The following CDC42BPB variants were observed in gnomAD, a reference collection of about 807,000 sequenced individuals.
CDC42BPB encodes CDC42 binding protein kinase beta.
In CDC42BPB, 37 loss-of-function variants were observed where a neutral mutation model predicts 214.9. That is an observed-to-expected ratio of 0.17 (90% confidence interval 0.13 to 0.23). The LOEUF (loss-of-function observed/expected upper bound fraction) is 0.23. CDC42BPB is among the 10% of genes least tolerant of loss of function. CDC42BPB has a pLI of 1.00. For missense variants in CDC42BPB, 1,694 were observed against 2,227.0 expected (o/e 0.76, Z 4.82); for synonymous variants, 931 against 884.0 (o/e 1.05, Z -0.94).
chr14:103,012,390 G>GT (rs1364961530), intron 1 of CDC42BPB: 16 of 561,414 alleles, frequency 2.8e-5, no homozygotes, highest in Non-Finnish European at 3.6e-5. Context: ...CACGCACTGG[G>GT]TAACACTGTT....
intron 19 of CDC42BPB, among the ~76,000 whole-genome samples, 176 bp downstream of exon 19, chr14:102,964,326 C>T (rs1036005174): frequency 6.6e-6 from 1 of 152,258 alleles, no homozygotes. Context: ...AGTGCCAGAA[C>T]GGCCTGCTAT....
chr14:103,043,406 A>G (rs1888118638), intron 1 of CDC42BPB, among the ~76,000 whole-genome samples: 1 of 152,202 alleles, frequency 6.6e-6, no homozygotes, highest in African/African-American at 2.4e-5. Flanking sequence ...AACCTTGACA[A>G]CATGATGTCA....
At chr14:103,002,793 C>T (rs1284320819) in intron 4 of CDC42BPB, among the ~76,000 whole-genome samples, 3 of 152,172 alleles carry the variant, frequency 2.0e-5, no homozygotes, top group Non-Finnish European at 4.4e-5. Context: ...GTTGGGAAGA[C>T]GGACGGGGAC....
In CDC42BPB at chr14:102,939,893, C is replaced by T. The variant is rs1251445406; in HGVS notation, c.4646G>A (p.Arg1549His). The T allele has an allele frequency of 7.4e-6, 12 of 1,613,944 alleles. No individual in the cohort carries two copies. In the Admixed American group the frequency reaches 1.3e-4, roughly 18 times the overall value. Reference sequence around the variant, plus strand: ...GACGAACCGCCTTTTGCTCCTGGTGCGCAGCATCTGCTTCTTGCTGTTGTC... The same window carrying T: ...GACGAACCGCCTTTTGCTCCTGGTGTGCAGCATCTGCTTCTTGCTGTTGTC... Reference protein sequence around the residue: ...TSDNSKKQMLRTRSKRRFVFK... With the variant: ...TSDNSKKQMLHTRSKRRFVFK... The change falls in exon 33 of 37, where the codon CGC becomes CAC. Residue 1549 changes from arginine (R) to histidine (H), a missense_variant. Physicochemically the swap from Arg to His is conservative, Grantham distance 29. Around this residue, in one of 7 missense-constraint regions of CDC42BPB, gnomAD observed 567 missense variants for 790.3 expected, o/e 0.72. Transcript: ENST00000361246.
In CDC42BPB at chr14:103,047,796, C is replaced by T. The variant is rs557938114; in HGVS notation, c.175+9203G>A. Among the ~76,000 whole-genome samples, 85 of 151,016 alleles carry T rather than the reference C, an allele frequency of 5.6e-4. No individual in the cohort carries two copies. In the South Asian group the frequency reaches 0.017, roughly 31 times the overall value. ...GTGTGCACCTGCAGTCCCAGCTACT[C>T]GGGAGGCTGAGGCAGGAGAACTGCT... On this transcript the variant is annotated intron_variant, in intron 1 of 36. Transcript: ENST00000361246.
chr14:102,950,212 C>T (rs1013437739), intron 25 of CDC42BPB: 12 of 664,948 alleles, frequency 1.8e-5, no homozygotes, highest in African/African-American at 1.4e-4. Flanking sequence ...TGAGCTTCTG[C>T]CCACTGGCTG....
intron 23 of CDC42BPB, among the ~76,000 whole-genome samples, chr14:102,953,644 G>A (rs188158052): frequency 9.8e-4 from 149 of 152,334 alleles, no homozygotes; most frequent in African/African-American, 3.5e-3. Flanking sequence ...CTGCGTTGAT[G>A]TTTATATGAA....
intron 1 of CDC42BPB, among the ~76,000 whole-genome samples, chr14:103,029,717 T>C (rs1296722625): frequency 6.9e-6 from 1 of 145,594 alleles, no homozygotes; most frequent in Non-Finnish European, 1.5e-5. Context: ...AAATTAGCTG[T>C]GTGTGGTGGT....
rs374402137 is a variant in CDC42BPB at position 102,968,299 on chromosome 14, G to A, written c.2300C>T (p.Ala767Val). The stretch of plus-strand genomic sequence containing the variant: ...CTTCTTGTTTTCATCAAACAGCATC[G>A]CTCTTTCTCGTTCGTATTTATCTTT... ...TIKDKYERER[A>V]MLFDENKKLT... is the part of the protein sequence containing the mutation. Residue 767 changes from alanine (A) to valine (V), a missense_variant, in exon 16 of 37, where the codon GCG becomes GTG. By Grantham distance (64) the Ala-to-Val change is moderately conservative. Around this residue, in one of 7 missense-constraint regions of CDC42BPB, gnomAD observed 462 missense variants for 513.5 expected, o/e 0.90. Coordinates refer to ENST00000361246, the MANE Select transcript of CDC42BPB (RefSeq NM_006035.4). 141 of 1,613,574 alleles carry A rather than the reference G, an allele frequency of 8.7e-5. No homozygotes were observed. Among genetic ancestry groups the A allele is most frequent in the South Asian group, 1.2e-4 (11 of 91,046 alleles).
chr14:102,937,136 G>A (rs1359961686), intron 36 of CDC42BPB: 1 of 152,210 alleles, frequency 6.6e-6, no homozygotes, highest in Non-Finnish European at 1.5e-5. Flanking sequence ...TACCCTAAGA[G>A]GGACACCATG....
intron 26 of CDC42BPB, among the ~76,000 whole-genome samples, 163 bp downstream of exon 26, chr14:102,949,602 G>A (rs889611647): frequency 6.6e-5 from 10 of 152,266 alleles, no homozygotes; most frequent in Middle Eastern, 6.8e-3. Flanking sequence ...GCATGTGAGC[G>A]CCTGAAGTCA....
chr14:102,969,066 G>A (rs1038061629), intron 14 of CDC42BPB, among the ~76,000 whole-genome samples: 3 of 152,252 alleles, frequency 2.0e-5, no homozygotes, highest in African/African-American at 4.8e-5. Context: ...TGGGGCTGGC[G>A]GGAACTGACA....
At chr14:103,048,686 C>A (rs1465140812) in intron 1 of CDC42BPB, among the ~76,000 whole-genome samples, 1 of 147,594 alleles carries the variant, frequency 6.8e-6, no homozygotes, top group African/African-American at 2.5e-5. Flanking sequence ...CCAGCCTGGG[C>A]GACAGAGCAA....
chr14:102,978,282 C>A, intron 8 of CDC42BPB, 77 bp from the exon 9 acceptor site: 2 of 1,592,928 alleles, frequency 1.3e-6, no homozygotes, highest in South Asian at 1.1e-5. Flanking sequence ...TGGTTACAGT[C>A]ATGGTGACAG....
chr14:103,036,238 C>T (rs1263689277), intron 1 of CDC42BPB, among the ~76,000 whole-genome samples: 1 of 151,410 alleles, frequency 6.6e-6, no homozygotes, highest in African/African-American at 2.4e-5. Context: ...CTGCAAGCTC[C>T]CCCTCCTGGG....
At chr14:102,956,576 T>C in intron 21 of CDC42BPB, 1 of 190,900 alleles carries the variant, frequency 5.2e-6, no homozygotes, top group Non-Finnish European at 9.7e-6. Flanking sequence ...ATGCCTATAA[T>C]CCCAGCACTT....
chr14:102,944,503 C>T lies in CDC42BPB; in HGVS notation c.3812-16G>A, dbSNP rs763254552. The T allele has an allele frequency of 1.9e-6, 3 of 1,601,526 alleles. No homozygotes were observed. Among genetic ancestry groups the T allele is most frequent in the East Asian group, 4.5e-5 (2 of 44,664 alleles). Reference sequence around the variant, plus strand: ...CGGACGATCACTGTGGCAAGGAGGACAAGAGCGTGAGGCCGACGGGACAGC... The same window carrying T: ...CGGACGATCACTGTGGCAAGGAGGATAAGAGCGTGAGGCCGACGGGACAGC... On this transcript the variant is annotated splice_polypyrimidine_tract_variant and intron_variant, in intron 29 of 36. Coordinates refer to ENST00000361246, the MANE Select transcript of CDC42BPB (RefSeq NM_006035.4). The surrounding 1 kb of genome is among the most constrained non-coding windows in gnomAD (Gnocchi z 6.6).
At chr14:103,013,563 T>C (rs3260) in intron 1 of CDC42BPB, among the ~76,000 whole-genome samples, 20,109 of 152,222 alleles carry the variant, frequency 0.13, 3,575 homozygotes, top group African/African-American at 0.41. Context: ...GTGAAAATAA[T>C]GGCACCTGCT....
At chr14:102,947,437 G>A (rs946596598) in intron 27 of CDC42BPB, among the ~76,000 whole-genome samples, 2 of 152,244 alleles carry the variant, frequency 1.3e-5, no homozygotes, top group African/African-American at 4.8e-5. Context: ...TGTGAGGACA[G>A]TGGCCGGGAC....
Sources: allele counts gnomAD v4.1 joint callset (sites outside exome capture counted in the v4.1 genomes callset), GRCh38; gene constraint gnomAD v4.1.1; regional missense constraint gnomAD v4.1.1; non-coding constraint Gnocchi (gnomAD v3.1); transcripts MANE v1.5; gene names NCBI Gene and HGNC (gene_info 2026-07-23, HGNC 2026-07-21).